The following PSMA1 variants were observed in gnomAD, a reference collection of about 807,000 sequenced individuals.
PSMA1 encodes the protein proteasome 20S subunit alpha 1, also known as proteasome subunit alpha type-1.
Under a neutral mutation model 38.4 loss-of-function variants are expected in PSMA1, and 3 were observed. The ratio of observed to expected loss-of-function variants is 0.08; its 90% CI spans 0.04 to 0.20. The LOEUF is 0.20. Among genes scored for constraint, PSMA1 ranks in the 10% least tolerant of loss-of-function variants. The probability of loss-of-function intolerance (pLI) is 1.00; values close to 1 mark genes in which losing one functional copy is unlikely to be tolerated. For missense variants in PSMA1, 227 were observed against 325.3 expected, an observed-to-expected ratio of 0.70 and a Z score of 2.32; for synonymous variants, 101 against 107.1, an observed-to-expected ratio of 0.94 and a Z score of 0.35.
In PSMA1 at chr11:14,512,510, C is replaced by T. The variant is rs1466520712; in HGVS notation, c.544+1060G>A. On this transcript the variant is annotated intron_variant, in intron 7 of 9. Transcript: ENST00000396394. ...ATTTATTGCAATCTTTAGGAATTTC[C>T]TATCCAGGTTGAAATGTGCTAGGCA... 2.6e-5 allele frequency among the ~76,000 whole-genome samples: 4 copies of T among 152,160 alleles called. No homozygotes were observed. The East Asian group carries it at 5.8e-4, about 22-fold the overall frequency.
intron 8 of PSMA1, 74 bp downstream of exon 8, chr11:14,510,798 T>G: frequency 9.6e-7 from 1 of 1,040,332 alleles, no homozygotes; most frequent in Non-Finnish European, 1.4e-6. Context: ...GTTGCATATA[T>G]ACTCCATTAC....
intron 1 of PSMA1, among the ~76,000 whole-genome samples, chr11:14,642,558 G>T (rs1853226611): frequency 6.6e-6 from 1 of 152,212 alleles, no homozygotes; most frequent in African/African-American, 2.4e-5. Flanking sequence ...ACTGTGGGCA[G>T]AGATTAATTG....
intron 2 of PSMA1, among the ~76,000 whole-genome samples, chr11:14,585,989 G>T (rs1852341284): frequency 6.6e-6 from 1 of 152,136 alleles, no homozygotes; most frequent in Non-Finnish European, 1.5e-5. Flanking sequence ...AGACAAGACA[G>T]TTGAAAAAAT....
chr11:14,510,220 C>T (rs1168752407), intron 8 of PSMA1, among the ~76,000 whole-genome samples: 3 of 152,142 alleles, frequency 2.0e-5, no homozygotes, highest in Non-Finnish European at 4.4e-5. Flanking sequence ...ACACTACTGG[C>T]CTCCTTGCCT....
chr11:14,567,722 C>T (rs1852088640), intron 2 of PSMA1, among the ~76,000 whole-genome samples: 2 of 152,202 alleles, frequency 1.3e-5, no homozygotes, highest in South Asian at 4.1e-4. Flanking sequence ...TGTTTCATCT[C>T]TTATACTGTA....
chr11:14,512,305 C>T (rs1177642653), intron 7 of PSMA1, among the ~76,000 whole-genome samples: 1 of 151,272 alleles, frequency 6.6e-6, no homozygotes, highest in African/African-American at 2.4e-5. Flanking sequence ...ACCTGGGAGG[C>T]AGAGGTTGCA....
chr11:14,516,774 A>C (rs557834977), intron 4 of PSMA1, among the ~76,000 whole-genome samples: 5 of 152,216 alleles, frequency 3.3e-5, no homozygotes, highest in Non-Finnish European at 7.4e-5. Context: ...AAAAATACAA[A>C]AATTAGCCAG....
At position 14,632,127 on chromosome 11, in the gene PSMA1, C is replaced by G. The variant is rs532006914; in HGVS notation, c.-166+11328G>C. Reference sequence around the variant, plus strand: ...GGTCTTGACTCTTTATCCAATTTGCCAGTCTGTGTCTTTTAATTGGAGCAT... The same window carrying G: ...GGTCTTGACTCTTTATCCAATTTGCGAGTCTGTGTCTTTTAATTGGAGCAT... On this transcript the variant is annotated intron_variant, in intron 1 of 10. Coordinates refer to the PSMA1 transcript ENST00000418988. Among the ~76,000 whole-genome samples the G allele has an allele frequency of 4.2e-5, 6 of 142,128 alleles. No homozygotes were observed. In the East Asian group the frequency reaches 1.2e-3, roughly 29 times the overall value. The allele number at this position is 142,128 out of a possible 152,430, so 93.2% of individuals were successfully genotyped here. A position where few individuals can be genotyped will look rare whatever the true frequency, so the allele number is the denominator to read the frequency against.
chr11:14,574,177 A>G (rs907631259), intron 2 of PSMA1, among the ~76,000 whole-genome samples: 6 of 152,214 alleles, frequency 3.9e-5, no homozygotes, highest in African/African-American at 1.4e-4. Context: ...TCTCAAAGAG[A>G]GGGAAGTACT....
chr11:14,535,158 G>GT (rs1851690024), intron 2 of PSMA1, among the ~76,000 whole-genome samples: 1 of 84,876 alleles, frequency 1.2e-5, no homozygotes, highest in Non-Finnish European at 2.4e-5. Context: ...CAGAAGCTAA[G>GT]GTTTTTTTTT....
chr11:14,505,977 C>T (rs911334216), intron 9 of PSMA1, among the ~76,000 whole-genome samples: 6 of 152,104 alleles, frequency 3.9e-5, no homozygotes, highest in African/African-American at 7.2e-5. Flanking sequence ...CACCACTGCA[C>T]GCCAGCCTGG....
chr11:14,592,164 G>C (rs969608971), intron 2 of PSMA1, among the ~76,000 whole-genome samples: 1 of 152,010 alleles, frequency 6.6e-6, no homozygotes, highest in South Asian at 2.1e-4. Context: ...ACATCAGAAG[G>C]AACAAACTCC....
At chr11:14,642,562 T>A (rs1400848667) in intron 1 of PSMA1, among the ~76,000 whole-genome samples, 2 of 152,134 alleles carry the variant, frequency 1.3e-5, no homozygotes, top group Non-Finnish European at 2.9e-5. Flanking sequence ...TGGGCAGAGA[T>A]TAATTGGTGA....
chr11:14,582,560 C>A (rs1676199842), intron 2 of PSMA1, among the ~76,000 whole-genome samples: 1 of 152,176 alleles, frequency 6.6e-6, no homozygotes, highest in Admixed American at 6.5e-5. Context: ...ACTCTATCAC[C>A]ACGCTGGAGT....
At chr11:14,515,024 A>G (rs772588257) in intron 4 of PSMA1, among the ~76,000 whole-genome samples, 1 of 152,224 alleles carries the variant, frequency 6.6e-6, no homozygotes, top group Non-Finnish European at 1.5e-5. Flanking sequence ...TCTCACTGTT[A>G]AATCTGATGA....
At chr11:14,552,224 G>T (rs1008643659) in intron 2 of PSMA1, among the ~76,000 whole-genome samples, 1 of 152,136 alleles carries the variant, frequency 6.6e-6, no homozygotes, top group African/African-American at 2.4e-5. Flanking sequence ...TCCTCAGCAC[G>T]AAAAGTTCCC....
In PSMA1 at chr11:14,638,543, CTCTATATATA is replaced by C. The variant is rs1372754485; in HGVS notation, c.-166+4902_-166+4911del. Among the ~76,000 whole-genome samples the C allele has an allele frequency of 4.5e-3, 60 of 13,292 alleles. 1 individual carries two copies. Among genetic ancestry groups the C allele is most frequent in the Non-Finnish European group, 6.3e-3 (46 of 7,276 alleles). 8.7% of individuals were successfully genotyped at this position (13,292 alleles called of 152,430 possible). ...TCTCTCTCTCTCTCTCTCTCTCTCT[CTCTATATATA>C]TATATATATATATATATATATATAT... On this transcript the variant is annotated intron_variant, in intron 1 of 10. Coordinates refer to the PSMA1 transcript ENST00000418988.
rs141514356 is a variant in PSMA1 at position 14,584,360 on chromosome 11, C to T, written c.21+26606G>A. 4.3e-3 allele frequency among the ~76,000 whole-genome samples: 647 copies of T among 152,204 alleles called. 2 individuals carry two copies. The highest frequency in any genetic ancestry group is 6.5e-3 in the Non-Finnish European group (440 of 68,008). On this transcript the variant is annotated intron_variant, in intron 2 of 10. Coordinates refer to the PSMA1 transcript ENST00000418988. ...GTTTTTAAACCACGCTATTCGCAGGCTTTTCTAAAATATTTCACATATTTC... is the reference window on the plus strand; with the variant it reads ...GTTTTTAAACCACGCTATTCGCAGGTTTTTCTAAAATATTTCACATATTTC...
intron 2 of PSMA1, among the ~76,000 whole-genome samples, chr11:14,559,657 C>T (rs917560062): frequency 6.6e-6 from 1 of 152,168 alleles, no homozygotes; most frequent in African/African-American, 2.4e-5. Flanking sequence ...AACAAGGTGT[C>T]CATGCTGCTG....
Sources: allele counts gnomAD v4.1 joint callset (sites outside exome capture counted in the v4.1 genomes callset), GRCh38; gene constraint gnomAD v4.1.1; transcripts MANE v1.5; gene names NCBI Gene and HGNC (gene_info 2026-07-23, HGNC 2026-07-21).